Variants in VPS13D observed in about 807,000 individuals in gnomAD.
The protein encoded by VPS13D is vacuolar protein sorting 13 homolog D, also known as intermembrane lipid transfer protein VPS13D.
Under a neutral mutation model 461.9 loss-of-function variants are expected in VPS13D, and 187 were observed. The observed-to-expected ratio is 0.40, with a 90% CI of 0.36 to 0.46. The LOEUF (loss-of-function observed/expected upper bound fraction) is 0.46, where lower values mean the gene tolerates loss of function less well. Among genes scored for constraint, VPS13D ranks in the 20% least tolerant of loss-of-function variants. The probability of loss-of-function intolerance (pLI) is 0.60; values close to 1 mark genes in which losing one functional copy is unlikely to be tolerated. For synonymous variants in VPS13D, 1,951 were observed against 1,986.3 expected, an observed-to-expected ratio of 0.98 and a Z score of 0.47; for missense variants, 4,711 against 5,364.9, an observed-to-expected ratio of 0.88 and a Z score of 3.81.
chr1:12,456,230 G>C, intron 66 of VPS13D, 100 bp downstream of exon 66: 3 of 1,459,030 alleles, frequency 2.1e-6, no homozygotes, highest in Non-Finnish European at 2.7e-6. Flanking sequence ...TGGGCTGGGC[G>C]CGGTGGCTCA....
At chr1:12,313,100 G>T (rs191428769) in intron 29 of VPS13D, among the ~76,000 whole-genome samples, 5 of 152,234 alleles carry the variant, frequency 3.3e-5, no homozygotes, top group Middle Eastern at 3.4e-3. Flanking sequence ...GCTTAAGGTC[G>T]TATGACTGGG....
chr1:12,270,326 G>A (rs1044886945), intron 16 of VPS13D, among the ~76,000 whole-genome samples: 11 of 151,594 alleles, frequency 7.3e-5, no homozygotes, highest in African/African-American at 1.7e-4. Context: ...GTGTGGTGGT[G>A]TGCACCTGTA....
intron 65 of VPS13D, among the ~76,000 whole-genome samples, chr1:12,421,415 G>A (rs1490785445): frequency 6.6e-6 from 1 of 152,154 alleles, no homozygotes; most frequent in Non-Finnish European, 1.5e-5. Context: ...AGCATGAGTT[G>A]CAAAAAGTAT....
At chr1:12,492,578 A>C (rs572878853) in intron 67 of VPS13D, among the ~76,000 whole-genome samples, 1 of 152,342 alleles carries the variant, frequency 6.6e-6, no homozygotes, top group South Asian at 2.1e-4. Context: ...TGGTTCAGCC[A>C]CTTCGAACGC....
At chr1:12,382,540 C>G (rs1183905021) in intron 57 of VPS13D, among the ~76,000 whole-genome samples, 3 of 152,132 alleles carry the variant, frequency 2.0e-5, no homozygotes, top group African/African-American at 4.8e-5. Flanking sequence ...AGGTTTTCAA[C>G]TCAAGAATTT....
chr1:12,408,667 A>G (rs1644685788), intron 63 of VPS13D, among the ~76,000 whole-genome samples: 1 of 152,218 alleles, frequency 6.6e-6, no homozygotes, highest in Admixed American at 6.5e-5. Flanking sequence ...GCCCAGCTCA[A>G]CTTGAGGTTG....
chr1:12,309,132 G>GT (rs1180736304), intron 27 of VPS13D, among the ~76,000 whole-genome samples: 1 of 151,946 alleles, frequency 6.6e-6, no homozygotes, highest in East Asian at 1.9e-4. Context: ...TAATTCCTTT[G>GT]AAGGAACTTA....
intron 44 of VPS13D, among the ~76,000 whole-genome samples, chr1:12,348,376 G>T (rs1643721816): frequency 6.6e-6 from 1 of 152,184 alleles, no homozygotes; most frequent in South Asian, 2.1e-4. Context: ...TTAATTCCCT[G>T]CCAGTAGAGT....
intron 3 of VPS13D, 142 bp from the exon 4 acceptor site, chr1:12,244,104 A>G (rs1640470366): frequency 2.6e-6 from 2 of 762,026 alleles, no homozygotes; most frequent in East Asian, 2.7e-5. Context: ...CACATGTGCA[A>G]GAGCCTGCTG....
rs376569311 is a variant in VPS13D at position 12,382,482 on chromosome 1, A to G, written c.11191-494A>G. ...TGTATTCCATTCTAGAAGAAACACCATCTTTTGAGTATTTGGATTGGTTGT... is the reference window on the plus strand; with the variant it reads ...TGTATTCCATTCTAGAAGAAACACCGTCTTTTGAGTATTTGGATTGGTTGT... On this transcript the variant is annotated intron_variant, in intron 57 of 69. Coordinates refer to ENST00000620676, the MANE Select transcript of VPS13D (RefSeq NM_015378.4). 2.6e-4 allele frequency among the ~76,000 whole-genome samples: 40 copies of G among 152,286 alleles called. 3 individuals are homozygous for G. The highest frequency in any genetic ancestry group is 2.1e-3 in the Admixed American group (32 of 15,298).
chr1:12,428,226 G>T (rs1412897376), intron 65 of VPS13D, among the ~76,000 whole-genome samples: 1 of 152,196 alleles, frequency 6.6e-6, no homozygotes, highest in African/African-American at 2.4e-5. Context: ...GGCATGTCCT[G>T]CCTGACTTGG....
chr1:12,472,361 G>T (rs1054736014), intron 67 of VPS13D, among the ~76,000 whole-genome samples: 5 of 152,160 alleles, frequency 3.3e-5, no homozygotes, highest in Admixed American at 3.3e-4. Context: ...TGAGAGAGGG[G>T]ACCTGAAGCT....
At chr1:12,261,255 A>G in intron 12 of VPS13D, 106 bp downstream of exon 12, 2 of 1,354,466 alleles carry the variant, frequency 1.5e-6, no homozygotes, top group Admixed American at 3.8e-5. Context: ...TTTGGAGAAC[A>G]GTTTATGTTC....
intron 13 of VPS13D, among the ~76,000 whole-genome samples, chr1:12,262,803 A>C (rs1171534462): frequency 6.6e-6 from 1 of 151,290 alleles, no homozygotes; most frequent in African/African-American, 2.4e-5. Context: ...TCTTGGGTTC[A>C]AGCGATTTTC....
intron 67 of VPS13D, among the ~76,000 whole-genome samples, chr1:12,491,124 G>A (rs1393387856): frequency 6.6e-6 from 1 of 152,178 alleles, no homozygotes; most frequent in African/African-American, 2.4e-5. Context: ...GCACACTCGA[G>A]CACAGTATAT....
rs141363583 is a variant in VPS13D at position 12,415,121 on chromosome 1, G to A, written c.12065G>A (p.Arg4022Gln). The A allele has an allele frequency of 6.8e-6, 11 of 1,613,932 alleles. No individual in the cohort carries two copies. The highest frequency in any genetic ancestry group is 4.5e-5 in the East Asian group (2 of 44,864). ...LKSTLGFPLI[R>Q]FEDAVINLDP... ...AGCACCTTGGGGTTTCCTTTGATAC[G>A]GTTTGAAGACGCTGTGATTAATCTA... is the stretch of plus-strand genomic sequence containing the variant. The change falls in exon 64 of 70, where the codon CGG becomes CAG. Residue 4022 changes from arginine to glutamine, a missense_variant. This residue lies in a region of VPS13D where 4,411 missense variants were observed against 4,937.8 expected (regional missense o/e 0.89). Coordinates refer to ENST00000620676, the MANE Select transcript of VPS13D (RefSeq NM_015378.4).
intron 67 of VPS13D, among the ~76,000 whole-genome samples, chr1:12,468,923 A>G (rs1191244068): frequency 2.0e-5 from 3 of 151,652 alleles, no homozygotes; most frequent in African/African-American, 7.3e-5. Flanking sequence ...GGTCCCAGCT[A>G]CTCCAGAGGT....
chr1:12,479,481 G>T lies in VPS13D; in HGVS notation c.12663-18019G>T, dbSNP rs199598316. Among the ~76,000 whole-genome samples the T allele has an allele frequency of 1.4e-4, 22 of 152,348 alleles. No individual in the cohort carries two copies. The East Asian group carries it at 2.5e-3, about 17-fold the overall frequency. On this transcript the variant is annotated intron_variant, in intron 67 of 69. Coordinates refer to ENST00000620676, the MANE Select transcript of VPS13D (RefSeq NM_015378.4). ...TCCAAAACATTGACTAGCTTGCATG[G>T]TATCGCTGTCATTAGTATTCAGTCT...
At chr1:12,500,030 T>G in intron 68 of VPS13D, 1 of 985,422 alleles carries the variant, frequency 1.0e-6, no homozygotes. Flanking sequence ...ACTAAATGTT[T>G]CCACATTTTT....
Sources: gnomAD v4.1 joint callset for allele counts (sites outside exome capture counted in the v4.1 genomes callset) on GRCh38, gnomAD v4.1.1 for gene constraint, gnomAD v4.1.1 regional missense constraint, MANE v1.5 for transcripts, NCBI Gene and HGNC (gene_info 2026-07-23, HGNC 2026-07-21) for gene names.